VAV3: variants seen among roughly 807,000 people sequenced by gnomAD.
VAV3 encodes vav guanine nucleotide exchange factor 3.
In VAV3, 94 loss-of-function variants were observed where a neutral mutation model predicts 131.2. The observed-to-expected ratio is 0.72, with a 90% CI of 0.61 to 0.85. VAV3 has a LOEUF of 0.85. Among genes scored for constraint, VAV3 ranks in the 40% least tolerant of loss-of-function variants. VAV3 has a pLI of 0.00. For missense variants in VAV3, 939 were observed against 1,002.7 expected, an observed-to-expected ratio of 0.94 and a Z score of 0.86; for synonymous variants, 349 against 342.0, an observed-to-expected ratio of 1.02 and a Z score of -0.22.
At chr1:107,709,736 G>C (rs994954966) in intron 15 of VAV3, among the ~76,000 whole-genome samples, 23 of 152,164 alleles carry the variant, frequency 1.5e-4, no homozygotes, top group Admixed American at 2.6e-4. Context: ...ATAAGGGGCT[G>C]CCCCCTTCAC....
chr1:107,816,858 C>T (rs1296883928), intron 2 of VAV3, among the ~76,000 whole-genome samples: 1 of 152,166 alleles, frequency 6.6e-6, no homozygotes, highest in Non-Finnish European at 1.5e-5. Flanking sequence ...GTCCCCAAAT[C>T]ACACAGAACA....
intron 1 of VAV3, among the ~76,000 whole-genome samples, chr1:107,886,605 G>A (rs1371432668): frequency 1.3e-5 from 2 of 152,184 alleles, no homozygotes; most frequent in Non-Finnish European, 2.9e-5. Context: ...AAATCTAAGT[G>A]GATAGGTTTT....
At chr1:107,856,760 G>C (rs891789185) in intron 2 of VAV3, among the ~76,000 whole-genome samples, 2 of 152,156 alleles carry the variant, frequency 1.3e-5, no homozygotes, top group Non-Finnish European at 2.9e-5. Context: ...AGGAAGGCCA[G>C]GCATGGTGGC....
chr1:107,711,481 A>G (rs1459565445), intron 15 of VAV3, among the ~76,000 whole-genome samples: 1 of 152,184 alleles, frequency 6.6e-6, no homozygotes, highest in Non-Finnish European at 1.5e-5. Context: ...TAACCTTATC[A>G]CTTAGTACCA....
Position 107,964,634 on chromosome 1 carries a change from TG to T in VAV3, c.204+31del, listed in dbSNP as rs1477525782. The stretch of plus-strand genomic sequence containing the variant: ...CGCATGATTAATGGGAGCTGCCGGC[TG>T]GAGGCGGGGCGCCCGTGCCGGCCTC... On this transcript the variant is annotated intron_variant, in intron 1 of 26. Transcript: ENST00000370056. 3.7e-6 allele frequency: 6 copies of T among 1,602,404 alleles called. No homozygotes were observed. In the East Asian group the frequency reaches 1.3e-4, roughly 36 times the overall value.
intron 20 of VAV3, among the ~76,000 whole-genome samples, chr1:107,619,412 T>C (rs753693729): frequency 2.8e-4 from 43 of 152,284 alleles, no homozygotes; most frequent in African/African-American, 9.1e-4. Context: ...TATCAAGTGC[T>C]CTATAATGGT....
intron 25 of VAV3, chr1:107,576,486 G>T: frequency 6.7e-7 from 1 of 1,497,056 alleles, no homozygotes; most frequent in Non-Finnish European, 8.8e-7. Flanking sequence ...CTTTGAGAAA[G>T]AAAGAAAAAG....
At chr1:107,656,087 A>G (rs1258492373) in intron 19 of VAV3, among the ~76,000 whole-genome samples, 1 of 152,178 alleles carries the variant, frequency 6.6e-6, no homozygotes, top group African/African-American at 2.4e-5. Context: ...TGATCCACCA[A>G]TTCCACTACT....
intron 20 of VAV3, among the ~76,000 whole-genome samples, chr1:107,635,181 T>A (rs555844466): frequency 0.029 from 4,485 of 152,078 alleles, 236 homozygotes; most frequent in African/African-American, 0.1. Flanking sequence ...GTATGTTTAT[T>A]GCATCACTAT....
At chr1:107,712,996 A>G (rs983245927) in intron 15 of VAV3, among the ~76,000 whole-genome samples, 8 of 152,238 alleles carry the variant, frequency 5.3e-5, no homozygotes, top group African/African-American at 1.7e-4. Context: ...TTAAAAGTAC[A>G]TGTCCAGCTT....
At chr1:107,895,873 G>A (rs1365966014) in intron 1 of VAV3, among the ~76,000 whole-genome samples, 1 of 150,186 alleles carries the variant, frequency 6.7e-6, no homozygotes, top group Non-Finnish European at 1.5e-5. Flanking sequence ...ATTCTTTATT[G>A]TTACTATGCA....
At chr1:107,883,658 A>G (rs569923443) in intron 1 of VAV3, among the ~76,000 whole-genome samples, 64 of 152,304 alleles carry the variant, frequency 4.2e-4, no homozygotes, top group African/African-American at 1.4e-3. Context: ...ATTCTTAAGC[A>G]TGATCTTTAG....
chr1:107,928,610 C>T (rs1431470622), intron 1 of VAV3, among the ~76,000 whole-genome samples: 1 of 152,120 alleles, frequency 6.6e-6, no homozygotes, highest in Non-Finnish European at 1.5e-5. Flanking sequence ...TTTAAAAATG[C>T]AATGACACAC....
At chr1:107,935,440 A>AC (rs1334386361) in intron 1 of VAV3, among the ~76,000 whole-genome samples, 1 of 152,134 alleles carries the variant, frequency 6.6e-6, no homozygotes, top group African/African-American at 2.4e-5. Context: ...CACAGGGTCT[A>AC]CTCTCTCCTA....
intron 2 of VAV3, among the ~76,000 whole-genome samples, chr1:107,784,931 C>T (rs1665899080): frequency 6.6e-6 from 1 of 152,136 alleles, no homozygotes; most frequent in African/African-American, 2.4e-5. Flanking sequence ...TTTACTCAAA[C>T]CTAGAGCCAA....
intron 9 of VAV3, among the ~76,000 whole-genome samples, chr1:107,763,088 G>A (rs894092456): frequency 8.5e-5 from 13 of 152,154 alleles, no homozygotes; most frequent in Admixed American, 7.9e-4. Flanking sequence ...CCAAGAATAA[G>A]GTAGTTTTCC....
At chr1:107,936,889 A>C (rs1318995387) in intron 1 of VAV3, among the ~76,000 whole-genome samples, 1 of 152,132 alleles carries the variant, frequency 6.6e-6, no homozygotes, top group Non-Finnish European at 1.5e-5. Flanking sequence ...CGATCTTGTG[A>C]TTTGATACAC....
At chr1:107,831,285 C>A (rs1223349592) in intron 2 of VAV3, among the ~76,000 whole-genome samples, 1 of 152,002 alleles carries the variant, frequency 6.6e-6, no homozygotes, top group Non-Finnish European at 1.5e-5. Flanking sequence ...TATCTCTATA[C>A]AATAATACCA....
At chr1:107,780,136 C>T (rs147178474) in intron 2 of VAV3, among the ~76,000 whole-genome samples, 4 of 152,314 alleles carry the variant, frequency 2.6e-5, no homozygotes, top group East Asian at 1.9e-4. Context: ...GGGCAAAATA[C>T]TTAACTTCTC....
Sources: allele counts gnomAD v4.1 joint callset (sites outside exome capture counted in the v4.1 genomes callset), GRCh38; gene constraint gnomAD v4.1.1; transcripts MANE v1.5; gene names NCBI Gene and HGNC (gene_info 2026-07-23, HGNC 2026-07-21).